Variants in PDE4D observed in about 807,000 individuals in gnomAD.
PDE4D encodes phosphodiesterase 4D.
Under a neutral mutation model 87.4 loss-of-function variants are expected in PDE4D, and 24 were observed. That is an observed-to-expected ratio of 0.27 (90% CI 0.20 to 0.39). The LOEUF (loss-of-function observed/expected upper bound fraction) is 0.39, where lower values mean the gene tolerates loss of function less well. Among genes scored for constraint, PDE4D ranks in the 10% least tolerant of loss-of-function variants. The probability of loss-of-function intolerance (pLI) is 1.00; values close to 1 mark genes in which losing one functional copy is unlikely to be tolerated. For synonymous variants in PDE4D, 384 were observed against 383.2 expected, an observed-to-expected ratio of 1.00 and a Z score of -0.02; for missense variants, 714 against 1,041.0, an observed-to-expected ratio of 0.69 and a Z score of 4.32.
rs1744008371 is a variant in PDE4D, at chr5:60,429,508, T to C, written c.-90+58434A>G. ...CTAGGACTTCCAATACTATGTTAAA[T>C]AGGAGCAGTGAGAGTGGGCATCCTT... On this transcript the variant is annotated intron_variant, in intron 1 of 16. Coordinates refer to the PDE4D transcript ENST00000502484. Among the ~76,000 whole-genome samples the C allele has an allele frequency of 2.0e-5, 3 of 152,278 alleles. No individual in the cohort carries two copies. In the South Asian group the frequency reaches 6.2e-4, roughly 32 times the overall value.
intron 5 of PDE4D, among the ~76,000 whole-genome samples, chr5:59,085,490 C>A (rs1767506121): frequency 6.6e-6 from 1 of 152,036 alleles, no homozygotes; most frequent in Non-Finnish European, 1.5e-5. Context: ...ATATTTGTTA[C>A]TAATTTCAAA....
intron 1 of PDE4D, among the ~76,000 whole-genome samples, chr5:59,534,923 C>T (rs1814881282): frequency 6.6e-6 from 1 of 151,904 alleles, no homozygotes; most frequent in Non-Finnish European, 1.5e-5. Flanking sequence ...AATGTGATGG[C>T]TGAAGGAAAA....
intron 5 of PDE4D, among the ~76,000 whole-genome samples, chr5:59,176,644 C>G (rs935291530): frequency 6.6e-6 from 1 of 151,782 alleles, no homozygotes; most frequent in Non-Finnish European, 1.5e-5. Context: ...ATTGTAAATT[C>G]TATGTGACAA....
intron 1 of PDE4D, among the ~76,000 whole-genome samples, chr5:59,448,074 G>C (rs931354194): frequency 1.3e-5 from 2 of 152,210 alleles, no homozygotes; most frequent in African/African-American, 4.8e-5. Context: ...CTGAAACAAA[G>C]AAGCTCATCG....
intron 1 of PDE4D, among the ~76,000 whole-genome samples, chr5:59,760,017 T>A (rs1414189709): frequency 6.6e-6 from 1 of 152,184 alleles, no homozygotes; most frequent in African/African-American, 2.4e-5. Context: ...TACTCAGTTG[T>A]TTGTGTGTGT....
At chr5:60,206,154 G>A (rs1422969406) in intron 1 of PDE4D, among the ~76,000 whole-genome samples, 1 of 152,122 alleles carries the variant, frequency 6.6e-6, no homozygotes, top group Non-Finnish European at 1.5e-5. Context: ...TCATCCAAAA[G>A]ACGGACTTGC....
At chr5:60,314,162 A>C (rs1482177283) in intron 1 of PDE4D, among the ~76,000 whole-genome samples, 1 of 151,476 alleles carries the variant, frequency 6.6e-6, no homozygotes, top group Non-Finnish European at 1.5e-5. Flanking sequence ...CTGTATGCAG[A>C]CAGTATGATT....
At chr5:60,112,168 G>A (rs1028273000) in intron 2 of PDE4D, among the ~76,000 whole-genome samples, 1 of 152,052 alleles carries the variant, frequency 6.6e-6, no homozygotes, top group African/African-American at 2.4e-5. Context: ...TAATAGAAGA[G>A]CTGCCATTAT....
intron 3 of PDE4D, among the ~76,000 whole-genome samples, chr5:59,923,857 A>G (rs1239030886): frequency 6.6e-6 from 1 of 152,212 alleles, no homozygotes; most frequent in East Asian, 1.9e-4. Flanking sequence ...AAGACCACCA[A>G]GGAAAACGTG....
chr5:59,239,793 T>C (rs1164191870), intron 1 of PDE4D, among the ~76,000 whole-genome samples: 1 of 152,176 alleles, frequency 6.6e-6, no homozygotes, highest in Non-Finnish European at 1.5e-5. Flanking sequence ...TAGGTTCTGT[T>C]ACTTGCCAGC....
chr5:59,992,430 A>G (rs1410527109), intron 2 of PDE4D, among the ~76,000 whole-genome samples: 1 of 152,172 alleles, frequency 6.6e-6, no homozygotes, highest in Non-Finnish European at 1.5e-5. Context: ...TTTCACATAT[A>G]CATGTATCCT....
chr5:59,891,737 T>G (rs1380839839), intron 1 of PDE4D, among the ~76,000 whole-genome samples: 1 of 151,944 alleles, frequency 6.6e-6, no homozygotes, highest in Non-Finnish European at 1.5e-5. Context: ...AGGGTTATGA[T>G]AGTTTGGCTG....
At chr5:60,263,127 G>T (rs1178220109) in intron 1 of PDE4D, among the ~76,000 whole-genome samples, 1 of 152,162 alleles carries the variant, frequency 6.6e-6, no homozygotes, top group African/African-American at 2.4e-5. Context: ...CACCTGTGCT[G>T]CACCAACCTC....
At chr5:60,393,032 T>C (rs1001096769) in intron 1 of PDE4D, among the ~76,000 whole-genome samples, 7 of 152,232 alleles carry the variant, frequency 4.6e-5, no homozygotes, top group African/African-American at 1.7e-4. Flanking sequence ...CTGAAAAATA[T>C]GCCCAGTAAA....
intron 1 of PDE4D, among the ~76,000 whole-genome samples, chr5:59,732,068 A>G (rs1349790724): frequency 1.3e-5 from 2 of 152,192 alleles, no homozygotes; most frequent in Admixed American, 6.5e-5. Flanking sequence ...GTCTAGATAG[A>G]TCACTGCTGC....
chr5:59,116,174 C>A (rs1031084077), intron 5 of PDE4D, among the ~76,000 whole-genome samples: 2 of 152,062 alleles, frequency 1.3e-5, no homozygotes, highest in African/African-American at 2.4e-5. Context: ...TAGTACTGAA[C>A]CACATTATAA....
chr5:59,544,250 C>G (rs1007181207), intron 1 of PDE4D, among the ~76,000 whole-genome samples: 1 of 152,176 alleles, frequency 6.6e-6, no homozygotes, highest in South Asian at 2.1e-4. Context: ...TTGAATTACC[C>G]AATTGACGCT....
intron 2 of PDE4D, among the ~76,000 whole-genome samples, chr5:60,003,811 G>A (rs984609475): frequency 4.6e-5 from 7 of 151,826 alleles, no homozygotes; most frequent in African/African-American, 1.7e-4. Context: ...AAAACAGTGA[G>A]GTACTGGCAT....
At chr5:59,505,538 T>C (rs1809101350) in intron 1 of PDE4D, among the ~76,000 whole-genome samples, 1 of 152,196 alleles carries the variant, frequency 6.6e-6, no homozygotes, top group Admixed American at 6.5e-5. Context: ...GTATGGCTTA[T>C]TCATAGCACA....
Sources: allele counts gnomAD v4.1 joint callset (sites outside exome capture counted in the v4.1 genomes callset), GRCh38; gene constraint gnomAD v4.1.1; transcripts MANE v1.5; gene names NCBI Gene and HGNC (gene_info 2026-07-23, HGNC 2026-07-21).